The following KHSRP variants were observed in gnomAD, a reference collection of about 807,000 sequenced individuals.
The protein encoded by KHSRP is KH-type splicing regulatory protein.
In KHSRP, 13 loss-of-function variants were observed where a neutral mutation model predicts 94.9. The ratio of observed to expected loss-of-function variants is 0.14; its 90% CI spans 0.09 to 0.22. The LOEUF (loss-of-function observed/expected upper bound fraction) is 0.22, where lower values mean the gene tolerates loss of function less well. Ranked by LOEUF, KHSRP falls within the 10% of genes least tolerant of loss-of-function variation. KHSRP has a pLI of 1.00. For synonymous variants in KHSRP, 495 were observed against 401.4 expected (o/e 1.23, Z -2.79); for missense variants, 710 against 1,010.0 (o/e 0.70, Z 4.03).
chr19:6,414,245 G>A lies in KHSRP; in HGVS notation c.*779C>T, dbSNP rs766000184. 27 of 1,488,732 alleles carry A rather than the reference G, an allele frequency of 1.8e-5. No individual in the cohort carries two copies. Among genetic ancestry groups the A allele is most frequent in the South Asian group, 8.0e-5 (6 of 75,400 alleles). 92.2% of individuals were successfully genotyped at this position (1,488,732 alleles called of 1,614,324 possible). ...CCAGGAAGCCCCCTCCCAAACCTGC[G>A]CTGGCTCAGGCTGGAAGGACGTGCT... is the stretch of plus-strand genomic sequence containing the variant. On this transcript the variant is annotated 3_prime_UTR_variant, in exon 19 of 19. Coordinates refer to ENST00000600480, the MANE Select transcript of KHSRP (RefSeq NM_001366299.1).
At position 6,413,373 on chromosome 19, in the gene KHSRP, A is replaced by C. The variant is rs1019592618; in HGVS notation, c.*1651T>G. ...GAGGTTTTGTTATCATTTATTTGTG[A>C]AGTTAAAAACGAGCGATAAAAAGTA... On this transcript the variant is annotated 3_prime_UTR_variant, in exon 19 of 19. Transcript: ENST00000600480. 1 of 404,604 alleles carries C rather than the reference A, an allele frequency of 2.5e-6. No homozygotes were observed. Among genetic ancestry groups the C allele is most frequent in the Non-Finnish European group, 4.9e-6 (1 of 206,072 alleles). The allele number at this position is 404,604 out of a possible 1,614,324, so 25.1% of individuals were successfully genotyped here. A position where few individuals can be genotyped will look rare whatever the true frequency, so the allele number is the denominator to read the frequency against.
At chr19:6,423,058 T>C (rs938958635) in intron 1 of KHSRP, among the ~76,000 whole-genome samples, 3 of 152,180 alleles carry the variant, frequency 2.0e-5, no homozygotes, top group Non-Finnish European at 4.4e-5. Flanking sequence ...GGCGGGCAGA[T>C]CACTTGAACT....
In KHSRP at chr19:6,413,962, A is replaced by AGG; in HGVS notation, c.*1061_*1062insCC. On this transcript the variant is annotated 3_prime_UTR_variant, in exon 19 of 19. Transcript: ENST00000600480. Reference sequence around the variant, plus strand: ...AGAGTGAGGGCCCGGCATGCCCCCAAGTCCCCCCCACCCTGCTTGCCGCGA... The same window carrying AGG: ...AGAGTGAGGGCCCGGCATGCCCCCAAGGGTCCCCCCCACCCTGCTTGCCGCGA... 1 of 875,800 alleles carries AGG rather than the reference A, an allele frequency of 1.1e-6. No homozygotes were observed. Among genetic ancestry groups the AGG allele is most frequent in the Non-Finnish European group, 1.7e-6 (1 of 598,760 alleles). The allele number at this position is 875,800 out of a possible 1,614,324, so 54.3% of individuals were successfully genotyped here. A position where few individuals can be genotyped will look rare whatever the true frequency, so the allele number is the denominator to read the frequency against.
Position 6,413,953 on chromosome 19 carries a change from A to T in KHSRP, c.*1071T>A. On this transcript the variant is annotated 3_prime_UTR_variant, in exon 19 of 19. Transcript: ENST00000600480. ...ACAGGCGAGAGAGTGAGGGCCCGGCATGCCCCCAAGTCCCCCCCACCCTGC... is the reference window on the plus strand; with the variant it reads ...ACAGGCGAGAGAGTGAGGGCCCGGCTTGCCCCCAAGTCCCCCCCACCCTGC... 1.2e-6 allele frequency: 1 copy of T among 839,590 alleles called. No individual in the cohort carries two copies. Among genetic ancestry groups the T allele is most frequent in the Non-Finnish European group, 1.8e-6 (1 of 567,318 alleles). The allele number at this position is 839,590 out of a possible 1,614,324, so 52.0% of individuals were successfully genotyped here.
Position 6,414,069 on chromosome 19 carries a change from A to T in KHSRP, c.*955T>A. On this transcript the variant is annotated 3_prime_UTR_variant, in exon 19 of 19. Coordinates refer to ENST00000600480, the MANE Select transcript of KHSRP (RefSeq NM_001366299.1). The stretch of plus-strand genomic sequence containing the variant: ...CCCCCAAACAGAACAAAATGGAAAA[A>T]AAAAAGATTTTTCACAGATGAAGAA... 1 of 1,601,198 alleles carries T rather than the reference A, an allele frequency of 6.2e-7. No homozygotes were observed. Among genetic ancestry groups the T allele is most frequent in the Non-Finnish European group, 8.5e-7 (1 of 1,175,012 alleles).
In KHSRP at chr19:6,414,851, AG is replaced by A; in HGVS notation, c.*172del. 2 of 1,289,478 alleles carry A rather than the reference AG, an allele frequency of 1.6e-6. No individual in the cohort carries two copies. The highest frequency in any genetic ancestry group is 2.0e-6 in the Non-Finnish European group (2 of 1,018,124). The allele number at this position is 1,289,478 out of a possible 1,614,324, so 79.9% of individuals were successfully genotyped here. On this transcript the variant is annotated 3_prime_UTR_variant, in exon 19 of 19. Transcript: ENST00000600480. ...CTGCCCCCCGACTCCCCAGCAGTTC[AG>A]AAGTCCCGCCTGCGAGTCTCAGCGC...
Position 6,414,046 on chromosome 19 carries a change from C to G in KHSRP, c.*978G>C. On this transcript the variant is annotated 3_prime_UTR_variant, in exon 19 of 19. Transcript: ENST00000600480. Reference sequence around the variant, plus strand: ...TCTCTCGCCAAACAAAACAGAAGCCCCCAAACAGAACAAAATGGAAAAAAA... The same window carrying G: ...TCTCTCGCCAAACAAAACAGAAGCCGCCAAACAGAACAAAATGGAAAAAAA... The G allele has an allele frequency of 6.4e-7, 1 of 1,568,440 alleles. No individual in the cohort carries two copies. The highest frequency in any genetic ancestry group is 1.2e-5 in the South Asian group (1 of 85,426).
In KHSRP at chr19:6,422,723, G is replaced by A. The variant is rs557967450; in HGVS notation, c.250-287C>T. On this transcript the variant is annotated intron_variant, in intron 1 of 18. Transcript: ENST00000600480. ...ATAATCCACACTGACTTCGTTCTAG[G>A]GGTGACAAGGAACAGAGGCTCAGGT... Among the ~76,000 whole-genome samples the A allele has an allele frequency of 9.9e-5, 15 of 152,182 alleles. No homozygotes were observed. The East Asian group carries it at 1.7e-3, about 18-fold the overall frequency.
rs2145118832 is a variant in KHSRP, at chr19:6,418,423, G to GC, written c.879+59dup. The GC allele has an allele frequency of 8.0e-7, 1 of 1,245,614 alleles. No homozygotes were observed. Among genetic ancestry groups the GC allele is most frequent in the East Asian group, 2.4e-5 (1 of 42,162 alleles). The allele number at this position is 1,245,614 out of a possible 1,614,324, so 77.2% of individuals were successfully genotyped here. On this transcript the variant is annotated intron_variant, in intron 9 of 18. Coordinates refer to ENST00000600480, the MANE Select transcript of KHSRP (RefSeq NM_001366299.1). The surrounding 1 kb of genome is among the most constrained non-coding windows in gnomAD (Gnocchi z 4.3). ...CGGAATGCAGACCCCGAGACCGCTG[G>GC]CCCTGCCCACCTGCCCGTGCCTCTC...
Position 6,414,164 on chromosome 19 carries a change from A to G in KHSRP, c.*860T>C, listed in dbSNP as rs369861500. 3 of 1,508,896 alleles carry G rather than the reference A, an allele frequency of 2.0e-6. No individual in the cohort carries two copies. The highest frequency in any genetic ancestry group is 2.7e-6 in the Non-Finnish European group (3 of 1,099,878). The allele number at this position is 1,508,896 out of a possible 1,614,324, so 93.5% of individuals were successfully genotyped here. On this transcript the variant is annotated 3_prime_UTR_variant, in exon 19 of 19. Transcript: ENST00000600480. Reference sequence around the variant, plus strand: ...TAGGAATTGGTCACTACGGGGAGGGAAGGGTGGGAGACTAGGGGGCGGAAG... The same window carrying G: ...TAGGAATTGGTCACTACGGGGAGGGGAGGGTGGGAGACTAGGGGGCGGAAG...
intron 5 of KHSRP, 31 bp downstream of exon 5, chr19:6,420,391 G>C: frequency 1.2e-6 from 2 of 1,608,728 alleles, no homozygotes; most frequent in Non-Finnish European, 1.7e-6. Flanking sequence ...GGGAAGAGTG[G>C]GCCTCCCCAC....
Position 6,418,100 on chromosome 19 carries a change from G to GC in KHSRP, c.880-22dup. On this transcript the variant is annotated intron_variant, in intron 9 of 18. Transcript: ENST00000600480. The surrounding 1 kb of genome is among the most constrained non-coding windows in gnomAD (Gnocchi z 4.3). The stretch of plus-strand genomic sequence containing the variant: ...GCTTGCTGCAAACACACAGGAAGCA[G>GC]CCCCCATGGGTGAGCCCTGCTGCCC... 6.2e-7 allele frequency: 1 copy of GC among 1,607,612 alleles called. No individual in the cohort carries two copies.
Position 6,415,320 on chromosome 19 carries a change from A to T in KHSRP, c.1967-19T>A, listed in dbSNP as rs1289688362. 6.8e-6 allele frequency: 11 copies of T among 1,613,518 alleles called. No homozygotes were observed. The highest frequency in any genetic ancestry group is 8.5e-6 in the Non-Finnish European group (10 of 1,179,800). ...ACTTGCGCTGTGGGTGGACAAAGGC[A>T]GGTGAGAGGCTGTGGGTGAGGGCTG... On this transcript the variant is annotated intron_variant, in intron 18 of 18. Transcript: ENST00000600480.
Position 6,414,796 on chromosome 19 carries a change from G to T in KHSRP, c.*228C>A. 8.6e-7 allele frequency: 1 copy of T among 1,156,190 alleles called. No individual in the cohort carries two copies. The highest frequency in any genetic ancestry group is 1.1e-6 in the Non-Finnish European group (1 of 938,822). The allele number at this position is 1,156,190 out of a possible 1,614,324, so 71.6% of individuals were successfully genotyped here. Reference sequence around the variant, plus strand: ...GATTGTGAGCGAGGTGGTGGCGGCCGGGCCGGTGCCCACCGTCCGCGCTGT... The same window carrying T: ...GATTGTGAGCGAGGTGGTGGCGGCCTGGCCGGTGCCCACCGTCCGCGCTGT... On this transcript the variant is annotated 3_prime_UTR_variant, in exon 19 of 19. Transcript: ENST00000600480.
rs1218544843 is a variant in KHSRP, at chr19:6,419,239, C to T, written c.569G>A (p.Arg190His). The T allele has an allele frequency of 2.5e-6, 4 of 1,582,120 alleles. No individual in the cohort carries two copies. Among genetic ancestry groups the T allele is most frequent in the Non-Finnish European group, 2.6e-6 (3 of 1,164,342 alleles). Reference sequence around the variant, plus strand: ...TGGGGCTCCTGTCAAGGACACACTGCGCTCGGGTAGGCCACCGCTGTCTGA... The same window carrying T: ...TGGGGCTCCTGTCAAGGACACACTGTGCTCGGGTAGGCCACCGCTGTCTGA... ...ISPDSGGLPE[R>H]SVSLTGAPES... Residue 190 changes from arginine to histidine, a missense_variant, in exon 7 of 19, where the codon CGC becomes CAC. Arg to His is a conservative substitution (Grantham distance 29). Coordinates refer to ENST00000600480, the MANE Select transcript of KHSRP (RefSeq NM_001366299.1).
rs910810566 is a variant in KHSRP, at chr19:6,420,317, A to G, written c.475+105T>C. The G allele has an allele frequency of 3.3e-6, 4 of 1,212,922 alleles. No homozygotes were observed. The African/African-American group carries it at 4.5e-5, about 14-fold the overall frequency. The allele number at this position is 1,212,922 out of a possible 1,614,324, so 75.1% of individuals were successfully genotyped here. Reference sequence around the variant, plus strand: ...CGAAGGAGGGACAAATGAGAACAGCACATAGGAGCCCTCTCAGACCAGGGC... The same window carrying G: ...CGAAGGAGGGACAAATGAGAACAGCGCATAGGAGCCCTCTCAGACCAGGGC... On this transcript the variant is annotated intron_variant, in intron 5 of 18. Coordinates refer to ENST00000600480, the MANE Select transcript of KHSRP (RefSeq NM_001366299.1).
chr19:6,417,237 A>C (rs2092154448), intron 11 of KHSRP, 150 bp from the exon 12 acceptor site: 7 of 665,742 alleles, frequency 1.1e-5, no homozygotes, highest in East Asian at 2.8e-5. Context: ...TCAGGGATTG[A>C]GGGGGAGGCG....
intron 15 of KHSRP, 148 bp from the exon 16 acceptor site, chr19:6,416,044 A>C (rs1014442778): frequency 2.8e-5 from 18 of 654,498 alleles, no homozygotes; most frequent in Middle Eastern, 4.1e-4. Flanking sequence ...CCTAGACAAG[A>C]AGCAACTCGA....
intron 4 of KHSRP, among the ~76,000 whole-genome samples, 180 bp from the exon 5 acceptor site, chr19:6,420,651 T>G (rs1029586409): frequency 3.9e-5 from 6 of 152,230 alleles, no homozygotes; most frequent in African/African-American, 1.4e-4. Context: ...CTCTGGGCAT[T>G]GTGGGCCTTG....
Sources: allele counts gnomAD v4.1 joint callset (sites outside exome capture counted in the v4.1 genomes callset), GRCh38; gene constraint gnomAD v4.1.1; non-coding constraint Gnocchi (gnomAD v3.1); transcripts MANE v1.5; gene names NCBI Gene and HGNC (gene_info 2026-07-23, HGNC 2026-07-21).